Variants in HPSE2 observed in about 807,000 individuals in gnomAD.
HPSE2 encodes inactive heparanase-2.
Under a neutral mutation model 60.5 loss-of-function variants are expected in HPSE2, and 38 were observed. The observed-to-expected ratio is 0.63, with a 90% CI of 0.48 to 0.82. The LOEUF is 0.82. HPSE2 is among the 40% of genes least tolerant of loss of function. The pLI, the probability that HPSE2 is intolerant of heterozygous loss-of-function variation, is 0.00. For missense variants in HPSE2, 713 were observed against 740.4 expected, an observed-to-expected ratio of 0.96 and a Z score of 0.43; for synonymous variants, 295 against 293.2, an observed-to-expected ratio of 1.01 and a Z score of -0.06.
intron 7 of HPSE2, among the ~76,000 whole-genome samples, chr10:98,628,189 C>T (rs1007738229): frequency 6.6e-6 from 1 of 152,146 alleles, no homozygotes; most frequent in Non-Finnish European, 1.5e-5. Flanking sequence ...GGCTTATGAA[C>T]TCTGTATCTT....
intron 3 of HPSE2, among the ~76,000 whole-genome samples, chr10:98,857,511 TTAATA>T (rs1952346999): frequency 1.3e-5 from 2 of 152,202 alleles, no homozygotes; most frequent in East Asian, 1.9e-4. Context: ...CCAGTGTAGA[TTAATA>T]TGAGTGCAAT....
intron 3 of HPSE2, among the ~76,000 whole-genome samples, chr10:99,039,759 A>G (rs1460084483): frequency 6.6e-6 from 1 of 152,092 alleles, no homozygotes; most frequent in African/African-American, 2.4e-5. Context: ...GAAGGGGAAC[A>G]AGTAAAATGG....
chr10:98,573,534 T>G (rs1944559966), intron 9 of HPSE2, among the ~76,000 whole-genome samples: 1 of 152,172 alleles, frequency 6.6e-6, no homozygotes, highest in African/African-American at 2.4e-5. Context: ...TTGTCCCCCA[T>G]TCTAAAAGCA....
chr10:98,885,663 G>A (rs1007460429), intron 3 of HPSE2, among the ~76,000 whole-genome samples: 1 of 152,048 alleles, frequency 6.6e-6, no homozygotes, highest in Non-Finnish European at 1.5e-5. Context: ...TCAGGTGATT[G>A]TCAGCATTTT....
chr10:99,198,890 T>A (rs1848486861), intron 2 of HPSE2, among the ~76,000 whole-genome samples: 1 of 152,158 alleles, frequency 6.6e-6, no homozygotes, highest in Non-Finnish European at 1.5e-5. Flanking sequence ...TACTCTTTGT[T>A]TCTATTAGTT....
At position 99,013,048 on chromosome 10, in the gene HPSE2, TAA is replaced by T. The variant is rs995097001; in HGVS notation, c.610+131188_610+131189del. 99 of 490,254 alleles carry T rather than the reference TAA, an allele frequency of 2.0e-4. 1 individual carries two copies. Among genetic ancestry groups the T allele is most frequent in the South Asian group, 1.7e-3 (78 of 44,956 alleles). 30.4% of individuals were successfully genotyped at this position (490,254 alleles called of 1,614,324 possible). A position where few individuals can be genotyped will look rare whatever the true frequency, so the allele number is the denominator to read the frequency against. ...ATCTTTAATTGCTGCAGCTTTCAGG[TAA>T]AGTTTAGCACTTCATTTATACAAAG... On this transcript the variant is annotated intron_variant, in intron 3 of 11. Coordinates refer to ENST00000370552, the MANE Select transcript of HPSE2 (RefSeq NM_021828.5).
intron 2 of HPSE2, among the ~76,000 whole-genome samples, chr10:99,163,151 C>G (rs1846913450): frequency 6.6e-6 from 1 of 151,280 alleles, no homozygotes; most frequent in African/African-American, 2.4e-5. Context: ...GCCGAGCTTG[C>G]AGTGAGCCAA....
At chr10:99,305,979 G>GCACACACACA in the HPSE2 span, among the ~76,000 whole-genome samples, 4,694 of 80,482 alleles carry the variant, frequency 0.058, 238 homozygotes, top group Non-Finnish European at 0.071. Flanking sequence ...GCGCGCGCGC[G>GCACACACACA]CACACACACA....
intron 2 of HPSE2, among the ~76,000 whole-genome samples, chr10:99,212,559 C>G (rs978834301): frequency 5.9e-5 from 9 of 152,008 alleles, no homozygotes; most frequent in African/African-American, 1.9e-4. Context: ...AAACCAGGCA[C>G]AAAAAGAATA....
chr10:98,829,831 G>A (rs1396823380), intron 3 of HPSE2, among the ~76,000 whole-genome samples: 1 of 151,780 alleles, frequency 6.6e-6, no homozygotes, highest in Non-Finnish European at 1.5e-5. Flanking sequence ...AATACCACTG[G>A]GGATTTTTAT....
At chr10:98,821,746 A>G (rs1023123110) in intron 3 of HPSE2, among the ~76,000 whole-genome samples, 2 of 152,074 alleles carry the variant, frequency 1.3e-5, no homozygotes, top group South Asian at 4.2e-4. Context: ...TTTGTCAATA[A>G]TTTATTAAAT....
chr10:98,909,523 G>A (rs1953921781), intron 3 of HPSE2, among the ~76,000 whole-genome samples: 1 of 151,598 alleles, frequency 6.6e-6, no homozygotes, highest in Non-Finnish European at 1.5e-5. Flanking sequence ...CCAGCTACTC[G>A]GGAGGCTGAG....
At chr10:99,136,340 A>C (rs1845652512) in intron 3 of HPSE2, among the ~76,000 whole-genome samples, 1 of 152,220 alleles carries the variant, frequency 6.6e-6, no homozygotes, top group African/African-American at 2.4e-5. Flanking sequence ...ATTCCTTCTG[A>C]AACTACTCCA....
intron 3 of HPSE2, among the ~76,000 whole-genome samples, chr10:98,977,767 CATTTAAAACAGGTTTTTTATA>C (rs2135288076): frequency 6.6e-6 from 1 of 151,996 alleles, no homozygotes; most frequent in Non-Finnish European, 1.5e-5. Flanking sequence ...ATTGTATTCT[CATTTAAAACAGGTTTTTTATA>C]ATAATAATAT....
At chr10:99,133,676 T>C (rs538827654) in intron 3 of HPSE2, among the ~76,000 whole-genome samples, 1 of 151,696 alleles carries the variant, frequency 6.6e-6, no homozygotes, top group East Asian at 2.0e-4. Context: ...CACTAACAAA[T>C]AGAAAAAAAT....
intron 4 of HPSE2, among the ~76,000 whole-genome samples, chr10:98,727,689 C>A (rs1042025738): frequency 8.1e-5 from 12 of 148,050 alleles, no homozygotes; most frequent in Non-Finnish European, 1.2e-4. Flanking sequence ...CAAAAAAAAA[C>A]AAACTAAAAA....
intron 6 of HPSE2, among the ~76,000 whole-genome samples, chr10:98,660,267 G>A (rs948734119): frequency 6.6e-6 from 1 of 152,172 alleles, no homozygotes; most frequent in Non-Finnish European, 1.5e-5. Flanking sequence ...AGCACTATGA[G>A]TGCAGAATTA....
intron 3 of HPSE2, among the ~76,000 whole-genome samples, chr10:98,756,944 A>C (rs1469013650): frequency 1.3e-5 from 2 of 152,160 alleles, no homozygotes; most frequent in Admixed American, 6.5e-5. Context: ...ATACTAGCAA[A>C]CTAACTAATC....
intron 2 of HPSE2, among the ~76,000 whole-genome samples, chr10:99,183,323 A>G (rs554508191): frequency 1.4e-4 from 22 of 152,338 alleles, no homozygotes; most frequent in Admixed American, 8.5e-4. Context: ...CTATGCATAT[A>G]TGTAAGGATA....
Sources: allele counts gnomAD v4.1 joint callset (sites outside exome capture counted in the v4.1 genomes callset), GRCh38; gene constraint gnomAD v4.1.1; transcripts MANE v1.5; gene names NCBI Gene and HGNC (gene_info 2026-07-23, HGNC 2026-07-21).